L3MBTL2: variants seen among roughly 807,000 people sequenced by gnomAD.
L3MBTL2 encodes the protein lethal(3)malignant brain tumor-like protein 2.
L3MBTL2 carries 49 observed loss-of-function variants against 86.4 expected under a neutral mutation model. The ratio of observed to expected loss-of-function variants is 0.57; its 90% CI spans 0.45 to 0.72. The LOEUF (loss-of-function observed/expected upper bound fraction) is 0.72, where lower values mean the gene tolerates loss of function less well. Ranked by LOEUF, L3MBTL2 falls within the 30% of genes least tolerant of loss-of-function variation. The probability of loss-of-function intolerance (pLI) is 0.00; values close to 1 mark genes in which losing one functional copy is unlikely to be tolerated. For synonymous variants in L3MBTL2, 336 were observed against 350.6 expected, an observed-to-expected ratio of 0.96 and a Z score of 0.47; for missense variants, 755 against 923.7, an observed-to-expected ratio of 0.82 and a Z score of 2.37.
chr22:41,208,807 G>A (rs139435), intron 1 of L3MBTL2, among the ~76,000 whole-genome samples: 63,571 of 151,932 alleles, frequency 0.42, 14,025 homozygotes, highest in African/African-American at 0.56. Context: ...GCAGTGGCGC[G>A]ATCTTAGCTC....
chr22:41,222,514 T>TG (rs1449296188), intron 8 of L3MBTL2, among the ~76,000 whole-genome samples: 2 of 152,272 alleles, frequency 1.3e-5, no homozygotes, highest in East Asian at 3.9e-4. Flanking sequence ...GACTCATACC[T>TG]GTCTCAGTGT....
At chr22:41,205,512 A>G (rs949082342) in intron 1 of L3MBTL2, 126 bp downstream of exon 1, 1 of 1,128,264 alleles carries the variant, frequency 8.9e-7, no homozygotes, top group Non-Finnish European at 1.3e-6. Flanking sequence ...AAACTGAGGT[A>G]GTTAAACTGA....
intron 4 of L3MBTL2, 127 bp from the exon 5 acceptor site, chr22:41,216,996 C>T (rs112149895): frequency 1.2e-5 from 8 of 681,716 alleles, no homozygotes; most frequent in South Asian, 3.4e-5. Context: ...TCGTGGGCAG[C>T]GCTGTGAGAG....
chr22:41,215,213 T>C (rs1480094277), intron 3 of L3MBTL2, among the ~76,000 whole-genome samples: 1 of 152,132 alleles, frequency 6.6e-6, no homozygotes, highest in Non-Finnish European at 1.5e-5. Context: ...TTACCATTGT[T>C]TCCCCATTTT....
chr22:41,216,262 G>A lies in L3MBTL2; in HGVS notation c.520G>A (p.Ala174Thr), dbSNP rs778603987. The A allele has an allele frequency of 7.4e-6, 12 of 1,612,650 alleles. No homozygotes were observed. Among genetic ancestry groups the A allele is most frequent in the East Asian group, 2.2e-5 (1 of 44,844 alleles). The change falls in exon 4 of 17, where the codon GCT becomes ACT. Residue 174 changes from alanine to threonine, a missense_variant and splice_region_variant. Physicochemically the swap from Ala to Thr is moderately conservative, Grantham distance 58. This residue lies in a region of L3MBTL2 where 634 missense variants were observed against 748.9 expected (regional missense o/e 0.85). Transcript: ENST00000216237. ...AGATGGGACACCAACAGGACAAGAC[G>A]GTAAGATAGCAGAGGGCCCTGCTTA... The part of the protein sequence containing the change: ...LADGTPTGQD[A>T]LVLGFDWGKF...
At chr22:41,211,553 T>C (rs1177622039) in intron 2 of L3MBTL2, among the ~76,000 whole-genome samples, 5 of 96,414 alleles carry the variant, frequency 5.2e-5, no homozygotes, top group Non-Finnish European at 9.6e-5. Context: ...TTGAATCTTA[T>C]TTCCTTTTTT....
Position 41,225,669 on chromosome 22 carries a change from A to G in L3MBTL2, c.1357-125A>G. ...CCCCAGAGAGGCTCAGGTGTCCTCC[A>G]GGAGGGCCATGCCCTAGATCCGTTT... is the stretch of plus-strand genomic sequence containing the variant. On this transcript the variant is annotated intron_variant, in intron 11 of 16. Transcript: ENST00000216237. The surrounding 1 kb of genome is among the most constrained non-coding windows in gnomAD (Gnocchi z 4.1). 1.0e-6 allele frequency: 1 copy of G among 963,136 alleles called. No individual in the cohort carries two copies. The highest frequency in any genetic ancestry group is 1.5e-6 in the Non-Finnish European group (1 of 660,762). The allele number at this position is 963,136 out of a possible 1,614,324, so 59.7% of individuals were successfully genotyped here.
At chr22:41,214,278 A>C (rs2031153250) in intron 3 of L3MBTL2, 1 of 341,218 alleles carries the variant, frequency 2.9e-6, no homozygotes, top group African/African-American at 2.1e-5. Flanking sequence ...CATTTTAAAC[A>C]AGAACTATGG....
intron 6 of L3MBTL2, 91 bp downstream of exon 6, chr22:41,219,627 A>G (rs2031667726): frequency 4.9e-6 from 4 of 813,852 alleles, no homozygotes; most frequent in Admixed American, 2.1e-5. Flanking sequence ...AGTTGGCTTC[A>G]TAAAACAAAA....
At chr22:41,228,349 C>T in intron 15 of L3MBTL2, 1 of 985,482 alleles carries the variant, frequency 1.0e-6, no homozygotes, top group South Asian at 4.7e-5. Context: ...ACCTGGCTCT[C>T]AGGCCGTGGG....
chr22:41,217,352 T>G (rs949339540), intron 5 of L3MBTL2, 150 bp downstream of exon 5: 1 of 614,774 alleles, frequency 1.6e-6, no homozygotes, highest in African/African-American at 1.8e-5. Context: ...CTCCATTTCA[T>G]GTTTATGTCA....
In L3MBTL2 at chr22:41,225,432, G is replaced by T. The variant is rs146542930; in HGVS notation, c.1356+361G>T. On this transcript the variant is annotated intron_variant, in intron 11 of 16. Transcript: ENST00000216237. The surrounding 1 kb of genome is among the most constrained non-coding windows in gnomAD (Gnocchi z 4.1). Reference sequence around the variant, plus strand: ...GGGTCACCTTGCTCCAAACCTCATCGCCTCCTCCTGAGCAGCACCCCCACC... The same window carrying T: ...GGGTCACCTTGCTCCAAACCTCATCTCCTCCTCCTGAGCAGCACCCCCACC... 6.6e-6 allele frequency among the ~76,000 whole-genome samples: 1 copy of T among 152,120 alleles called. No individual in the cohort carries two copies. Among genetic ancestry groups the T allele is most frequent in the African/African-American group, 2.4e-5 (1 of 41,422 alleles).
intron 7 of L3MBTL2, 32 bp downstream of exon 7, chr22:41,220,900 C>A (rs1388473812): frequency 6.3e-7 from 1 of 1,597,250 alleles, no homozygotes; most frequent in Non-Finnish European, 8.6e-7. Context: ...CTCTCTTGTT[C>A]CCGTAGGGCC....
intron 1 of L3MBTL2, among the ~76,000 whole-genome samples, chr22:41,207,745 T>C (rs528044647): frequency 2.6e-4 from 39 of 151,030 alleles, no homozygotes; most frequent in Admixed American, 7.9e-4. Flanking sequence ...GTGATCATGA[T>C]TCAGTGCAGC....
At chr22:41,223,917 G>C in intron 8 of L3MBTL2, 103 bp from the exon 9 acceptor site, 1 of 891,174 alleles carries the variant, frequency 1.1e-6, no homozygotes, top group Admixed American at 2.1e-5. Context: ...GACTGAGTGT[G>C]GGGGATAACA....
chr22:41,218,767 G>A (rs897016461), intron 5 of L3MBTL2: 2 of 152,266 alleles, frequency 1.3e-5, no homozygotes, highest in Non-Finnish European at 2.9e-5. Context: ...GGGATTACAG[G>A]CATGTGCCAC....
intron 2 of L3MBTL2, among the ~76,000 whole-genome samples, chr22:41,211,711 C>T (rs1431374988): frequency 1.4e-5 from 2 of 141,850 alleles, no homozygotes; most frequent in African/African-American, 5.5e-5. Flanking sequence ...CGCCTGCCAC[C>T]ACACCCGGCT....
Position 41,229,384 on chromosome 22 carries a change from A to G in L3MBTL2, c.1889-156A>G, listed in dbSNP as rs563498324. ...AATCTGAGCTCAGGGCACATAGCCA[A>G]TAAGATGTGTTGTCAGAGTTGGAGT... On this transcript the variant is annotated intron_variant, in intron 15 of 16. Transcript: ENST00000216237. The G allele has an allele frequency of 8.0e-5, 59 of 737,484 alleles. No homozygotes were observed. In the African/African-American group the frequency reaches 8.5e-4, roughly 11 times the overall value. The allele number at this position is 737,484 out of a possible 1,614,324, so 45.7% of individuals were successfully genotyped here.
rs9611519 is a variant in L3MBTL2 at position 41,217,184 on chromosome 22, C to G, written c.582C>G (p.Pro194=). Residue 194 remains proline (P), a synonymous_variant, in exon 5 of 17, where the codon CCC becomes CCG. Coordinates refer to ENST00000216237, the MANE Select transcript of L3MBTL2 (RefSeq NM_031488.5). ...AGGATCACAGTTACAAGGCTGCTCC[C>G]GTCAGCTGTTTCAAGCACGTGAGTG... ...FLKDHSYKAA[P]VSCFKHVPLY... 1.2e-6 allele frequency: 2 copies of G among 1,613,314 alleles called. No homozygotes were observed. Among genetic ancestry groups the G allele is most frequent in the East Asian group, 2.2e-5 (1 of 44,882 alleles).
Sources: gnomAD v4.1 joint callset for allele counts (sites outside exome capture counted in the v4.1 genomes callset) on GRCh38, gnomAD v4.1.1 for gene constraint, gnomAD v4.1.1 regional missense constraint, Gnocchi (gnomAD v3.1) non-coding constraint, MANE v1.5 for transcripts, NCBI Gene and HGNC (gene_info 2026-07-23, HGNC 2026-07-21) for gene names.